Variants in NAXD observed in about 807,000 individuals in gnomAD.
The protein encoded by NAXD is NAD(P)HX dehydratase, also known as ATP-dependent (S)-NAD(P)H-hydrate dehydratase.
NAXD carries 22 observed loss-of-function variants against 35.8 expected under a neutral mutation model. The ratio of observed to expected loss-of-function variants is 0.62; its 90% CI spans 0.44 to 0.88. NAXD has a LOEUF of 0.88. NAXD is among the 40% of genes least tolerant of loss of function. The probability of loss-of-function intolerance (pLI) is 0.00; values close to 1 mark genes in which losing one functional copy is unlikely to be tolerated. For missense variants in NAXD, 428 were observed against 437.7 expected (o/e 0.98, Z 0.20); for synonymous variants, 189 against 177.6 (o/e 1.06, Z -0.51).
intron 8 of NAXD, among the ~76,000 whole-genome samples, chr13:110,636,360 T>G (rs910681505): frequency 7.1e-6 from 1 of 140,412 alleles, no homozygotes; most frequent in African/African-American, 2.8e-5. Context: ...CATGCACATA[T>G]GTGCACACGC....
rs1311336872 is a variant in NAXD at position 110,628,079 on chromosome 13, C to T, written c.441+532C>T. 1.3e-5 allele frequency among the ~76,000 whole-genome samples: 2 copies of T among 152,188 alleles called. No individual in the cohort carries two copies. The highest frequency in any genetic ancestry group is 2.4e-5 in the African/African-American group (1 of 41,436). On this transcript the variant is annotated intron_variant, in intron 5 of 9. Coordinates refer to ENST00000680254, the MANE Select transcript of NAXD (RefSeq NM_001242882.2). This position sits in a 1 kb window ranked among gnomAD's most constrained non-coding sequence, Gnocchi z 4.1. Reference sequence around the variant, plus strand: ...TCTTTCTTAAAGTTCATCTTATGCCCACCTAAATCCAAAAGATGAAAGTTA... The same window carrying T: ...TCTTTCTTAAAGTTCATCTTATGCCTACCTAAATCCAAAAGATGAAAGTTA...
chr13:110,633,831 T>G (rs887357008), intron 5 of NAXD, among the ~76,000 whole-genome samples: 24 of 152,212 alleles, frequency 1.6e-4, no homozygotes, highest in Admixed American at 9.8e-4. Context: ...TCCCTGTTTA[T>G]TATTGTTGTT....
In NAXD at chr13:110,625,284, T is replaced by C. The variant is rs1886425289; in HGVS notation, c.332+6T>C. On this transcript the variant is annotated splice_donor_region_variant and intron_variant, in intron 4 of 9. Transcript: ENST00000680254. ...CTGATCGTCCACCCAGTTCTGTGAG[T>C]CGCTCTGCGCCGGCTTCTCGTAGGT... 6.2e-7 allele frequency: 1 copy of C among 1,604,100 alleles called. No individual in the cohort carries two copies. The highest frequency in any genetic ancestry group is 1.7e-5 in the Admixed American group (1 of 59,974).
chr13:110,622,446 C>A, intron 2 of NAXD, 80 bp downstream of exon 2: 1 of 1,402,138 alleles, frequency 7.1e-7, no homozygotes, highest in South Asian at 1.2e-5. Flanking sequence ...TTCACGCTGT[C>A]TAGTTTGACC....
chr13:110,638,060 G>A lies in NAXD; in HGVS notation c.840-318G>A, dbSNP rs1887001400. ...TGCCCTCTGCACCTGGGCACTGAGA[G>A]CACAGTCAAACAGGGCTAAGCAGCT... On this transcript the variant is annotated intron_variant, in intron 9 of 9. Coordinates refer to ENST00000680254, the MANE Select transcript of NAXD (RefSeq NM_001242882.2). The surrounding 1 kb of genome is among the most constrained non-coding windows in gnomAD (Gnocchi z 5.4). Among the ~76,000 whole-genome samples the A allele has an allele frequency of 6.6e-6, 1 of 152,156 alleles. No homozygotes were observed. Among genetic ancestry groups the A allele is most frequent in the Admixed American group, 6.5e-5 (1 of 15,278 alleles).
upstream of NAXD, chr13:110,615,470 G>A (rs1886004906): frequency 2.5e-6 from 2 of 797,546 alleles, no homozygotes; most frequent in Non-Finnish European, 3.6e-6. Flanking sequence ...ATCTAGAACC[G>A]GGTGTGATTG....
At chr13:110,624,364 A>G in intron 3 of NAXD, 85 bp downstream of exon 3, 2 of 867,366 alleles carry the variant, frequency 2.3e-6, no homozygotes, top group East Asian at 2.4e-5. Flanking sequence ...ATGTTTTCTG[A>G]TAGAAATCTA....
At chr13:110,615,537 A>T, upstream of NAXD, 1 of 1,322,204 alleles carries the variant, frequency 7.6e-7, no homozygotes, top group Non-Finnish European at 9.7e-7. Context: ...AAACCGGAAA[A>T]CGCTTCCAAT....
chr13:110,626,611 G>T (rs915107605), intron 4 of NAXD, among the ~76,000 whole-genome samples: 3 of 152,116 alleles, frequency 2.0e-5, no homozygotes, highest in Admixed American at 6.6e-5. Context: ...AGCACGGGCT[G>T]GGGAGGAGGC....
At chr13:110,617,016 G>A (rs897993012) in intron 1 of NAXD, among the ~76,000 whole-genome samples, 2 of 152,166 alleles carry the variant, frequency 1.3e-5, no homozygotes, top group African/African-American at 4.8e-5. Flanking sequence ...AGATTTATTT[G>A]TAGCTCTTTA....
At chr13:110,624,690 G>A (rs1886394730) in intron 3 of NAXD, among the ~76,000 whole-genome samples, 1 of 152,236 alleles carries the variant, frequency 6.6e-6, no homozygotes, top group Admixed American at 6.5e-5. Context: ...TCGAACTCCT[G>A]ACCTCACGTG....
chr13:110,626,383 C>T (rs555758121), intron 4 of NAXD, among the ~76,000 whole-genome samples: 4 of 152,172 alleles, frequency 2.6e-5, no homozygotes, highest in South Asian at 2.1e-4. Flanking sequence ...GTGGTGGAAA[C>T]GGGCTTGGGT....
rs1052598477 is a variant in NAXD at position 110,622,221 on chromosome 13, G to T, written c.52G>T (p.Glu18Ter). Residue 18 changes from glutamate (E) to a stop codon, truncating the protein, a stop_gained, in exon 2 of 10, where the codon GAA becomes TAA. Transcript: ENST00000680254. LOFTEE classifies it high-confidence loss of function. ...TCATTTTTCTTGTCTTTCAGTTTTA[G>T]AAAGAGCGTTTTCGCTACGTAAAGC... ...GAIRACRRVL[E>*]RAFSLRKAHS... The T allele has an allele frequency of 1.1e-5, 18 of 1,611,296 alleles. No homozygotes were observed. The African/African-American group carries it at 2.4e-4, about 22-fold the overall frequency.
intron 8 of NAXD, among the ~76,000 whole-genome samples, chr13:110,635,989 CTCTTT>C (rs1274890211): frequency 2.6e-5 from 4 of 152,250 alleles, no homozygotes; most frequent in African/African-American, 9.6e-5. Context: ...GCATTTCATT[CTCTTT>C]TATCAAAATG....
At position 110,628,988 on chromosome 13, in the gene NAXD, C is replaced by CA. The variant is rs573483528; in HGVS notation, c.441+1441_441+1442insA. Among the ~76,000 whole-genome samples, 28 of 151,614 alleles carry CA rather than the reference C, an allele frequency of 1.8e-4. No individual in the cohort carries two copies. In the South Asian group the frequency reaches 5.8e-3, roughly 31 times the overall value. ...GAAGTGAGGGTGTGCGTCGCTGCCC[C>CA]TGCAGCCCAGACTCTGGACCTTGCA... On this transcript the variant is annotated intron_variant, in intron 5 of 9. Coordinates refer to ENST00000680254, the MANE Select transcript of NAXD (RefSeq NM_001242882.2). This position sits in a 1 kb window ranked among gnomAD's most constrained non-coding sequence, Gnocchi z 4.1.
At chr13:110,635,428 GA>G in intron 7 of NAXD, 39 bp from the exon 8 acceptor site, 1 of 1,605,912 alleles carries the variant, frequency 6.2e-7, no homozygotes, top group Non-Finnish European at 8.5e-7. Flanking sequence ...TGTGTCTGAG[GA>G]AGACTTTGCT....
intron 1 of NAXD, among the ~76,000 whole-genome samples, chr13:110,621,610 C>T (rs565982942): frequency 1.3e-5 from 2 of 151,940 alleles, no homozygotes; most frequent in South Asian, 2.1e-4. Flanking sequence ...GCAGGAGAAT[C>T]GCTTGAACCC....
In NAXD at chr13:110,634,665, T is replaced by C; in HGVS notation, c.493-7T>C. 6.2e-7 allele frequency: 1 copy of C among 1,614,156 alleles called. No individual in the cohort carries two copies. Among genetic ancestry groups the C allele is most frequent in the Non-Finnish European group, 8.5e-7 (1 of 1,179,954 alleles). Reference sequence around the variant, plus strand: ...GTGCAGTGAGCACGGCTCCTTGTTCTGTGCAGGATGGCCTGTGGCTGGTCG... The same window carrying C: ...GTGCAGTGAGCACGGCTCCTTGTTCCGTGCAGGATGGCCTGTGGCTGGTCG... On this transcript the variant is annotated splice_region_variant and splice_polypyrimidine_tract_variant and intron_variant, in intron 6 of 9. Transcript: ENST00000680254.
intron 4 of NAXD, among the ~76,000 whole-genome samples, chr13:110,626,722 A>T (rs1052111877): frequency 2.6e-5 from 4 of 152,204 alleles, no homozygotes; most frequent in Admixed American, 2.0e-4. Flanking sequence ...GCCTGAGAAC[A>T]GTTGGTGCAT....
Sources: gnomAD v4.1 joint callset for allele counts (sites outside exome capture counted in the v4.1 genomes callset) on GRCh38, gnomAD v4.1.1 for gene constraint, Gnocchi (gnomAD v3.1) non-coding constraint, MANE v1.5 for transcripts, NCBI Gene and HGNC (gene_info 2026-07-23, HGNC 2026-07-21) for gene names.